The following DENND2B variants were observed in gnomAD, a reference collection of about 807,000 sequenced individuals.
The protein encoded by DENND2B is DENN domain containing 2B.
DENND2B carries 32 observed loss-of-function variants against 116.0 expected under a neutral mutation model. The ratio of observed to expected loss-of-function variants is 0.28; its 90% CI spans 0.21 to 0.37. The LOEUF (loss-of-function observed/expected upper bound fraction) is 0.37. DENND2B is among the 10% of genes least tolerant of loss of function. DENND2B has a pLI of 1.00. For synonymous variants in DENND2B, 588 were observed against 583.9 expected (o/e 1.01, Z -0.10); for missense variants, 1,276 against 1,477.7 (o/e 0.86, Z 2.24).
intron 4 of DENND2B, among the ~76,000 whole-genome samples, chr11:8,817,120 A>C (rs941317828): frequency 3.3e-4 from 50 of 152,218 alleles, no homozygotes; most frequent in African/African-American, 1.2e-3. Context: ...CTGGAAGAGG[A>C]CTAAGGCTCC....
chr11:8,889,562 A>G (rs1412478202), intron 1 of DENND2B, among the ~76,000 whole-genome samples: 1 of 152,332 alleles, frequency 6.6e-6, no homozygotes. Context: ...CACTTTTCCA[A>G]TGGTCTTAGC....
At chr11:8,737,260 G>A (rs1460081211) in intron 2 of DENND2B, among the ~76,000 whole-genome samples, 3 of 152,214 alleles carry the variant, frequency 2.0e-5, no homozygotes. Flanking sequence ...AGAAGTCCAA[G>A]TGCTGGGACG....
chr11:8,730,237 G>A lies in DENND2B; in HGVS notation c.1053C>T (p.Pro351=). 1 of 1,612,518 alleles carries A rather than the reference G, an allele frequency of 6.2e-7. No individual in the cohort carries two copies. Residue 351 remains proline, a synonymous_variant, in exon 3 of 20, where the codon CCC becomes CCT. Transcript: ENST00000313726. The surrounding 1 kb of genome is among the most constrained non-coding windows in gnomAD (Gnocchi z 4.1). Reference sequence around the variant, plus strand: ...TGGAACCACTGCCTTCCCTCTCTGGGGGTGGGCCCGCCTCCCCCGCAACAC... The same window carrying A: ...TGGAACCACTGCCTTCCCTCTCTGGAGGTGGGCCCGCCTCCCCCGCAACAC... The part of the protein sequence containing the change: ...VAGVAGEAGP[P]PEREGSGSTK...
chr11:8,872,433 G>A (rs1024673663), upstream of DENND2B, among the ~76,000 whole-genome samples: 4 of 147,210 alleles, frequency 2.7e-5, no homozygotes, highest in African/African-American at 1.0e-4. Context: ...ATTGCAGTAA[G>A]CCAAGATCGC....
intron 3 of DENND2B, among the ~76,000 whole-genome samples, chr11:8,848,004 G>T (rs2062871499): frequency 6.6e-6 from 1 of 152,082 alleles, no homozygotes; most frequent in Non-Finnish European, 1.5e-5. Context: ...TACAAAAGAT[G>T]TACAAAATCA....
intron 1 of DENND2B, among the ~76,000 whole-genome samples, chr11:8,901,349 C>T (rs1355500082): frequency 6.6e-6 from 1 of 150,666 alleles, no homozygotes; most frequent in African/African-American, 2.4e-5. Context: ...CCTGCCTCAG[C>T]CTCCCGAGTA....
chr11:8,697,255 C>T (rs1483160411), intron 17 of DENND2B, among the ~76,000 whole-genome samples: 1 of 152,262 alleles, frequency 6.6e-6, no homozygotes, highest in African/African-American at 2.4e-5. Context: ...AGAGGAAGTG[C>T]CTTTCATCTC....
chr11:8,863,346 T>TCCCAGGTTCACACCTTTCTCCTGC (rs543669262), intron 2 of DENND2B, among the ~76,000 whole-genome samples: 1 of 81,268 alleles, frequency 1.2e-5, no homozygotes, highest in Non-Finnish European at 2.5e-5. Context: ...AAGCTCCACC[T>TCCCAGGTTCACACCTTTCTCCTGC]CTCAGCCTCC....
chr11:8,810,587 A>C lies in DENND2B; in HGVS notation c.-96T>G, dbSNP rs1006962798. On this transcript the variant is annotated 5_prime_UTR_variant, in exon 1 of 20. Transcript: ENST00000313726. ...GCCGGCTAGGGAGCCCAGGGCCCCC[A>C]AATCCACTGGCTTAAGCTCCGATAC... The C allele has an allele frequency of 2.0e-5, 3 of 152,338 alleles. No homozygotes were observed. Among genetic ancestry groups the C allele is most frequent in the Admixed American group, 1.3e-4 (2 of 15,284 alleles). The allele number at this position is 152,338 out of a possible 1,614,324, so 9.4% of individuals were successfully genotyped here.
Position 8,711,052 on chromosome 11 carries a change from C to T in DENND2B, c.2282+70G>A, listed in dbSNP as rs966250359. The T allele has an allele frequency of 1.1e-5, 17 of 1,566,756 alleles. No homozygotes were observed. The African/African-American group carries it at 1.2e-4, about 11-fold the overall frequency. On this transcript the variant is annotated intron_variant, in intron 10 of 19. Transcript: ENST00000313726. ...GAGGATGAGACTAGAGCAGGCCCCA[C>T]TCAGGTGCCCACGCTATGGGGGTAA...
chr11:8,905,435 T>C (rs1352578717), intron 1 of DENND2B, among the ~76,000 whole-genome samples: 1 of 152,074 alleles, frequency 6.6e-6, no homozygotes, highest in East Asian at 1.9e-4. Context: ...AATATACAAC[T>C]ATTAGGAGGA....
chr11:8,800,829 C>A (rs1238608893), intron 1 of DENND2B, among the ~76,000 whole-genome samples: 1 of 152,158 alleles, frequency 6.6e-6, no homozygotes, highest in African/African-American at 2.4e-5. Context: ...ATAATTTACA[C>A]TTGTAGATAA....
intron 1 of DENND2B, among the ~76,000 whole-genome samples, chr11:8,771,402 G>A (rs2056821351): frequency 6.6e-6 from 1 of 152,068 alleles, no homozygotes; most frequent in African/African-American, 2.4e-5. Context: ...GTGTGTGTGT[G>A]TGTGCGTGTG....
Position 8,717,751 on chromosome 11 carries a change from G to T in DENND2B, c.1619C>A (p.Pro540Gln), listed in dbSNP as rs1331274038. Residue 540 changes from proline (P) to glutamine (Q), a missense_variant, in exon 5 of 20, where the codon CCG (proline) becomes CAG (glutamine). By Grantham distance (76) the Pro-to-Gln change is moderately conservative. Transcript: ENST00000313726. ...WSPQDRKYNS[P>Q]PTQLSLKPNS... ...TCAGGGCTGAGTTACCTGTGTGGGCGGGCTGTTGTACTTCCTGTCCTGAGG... is the reference window on the plus strand; with the variant it reads ...TCAGGGCTGAGTTACCTGTGTGGGCTGGCTGTTGTACTTCCTGTCCTGAGG... The T allele has an allele frequency of 8.9e-6, 14 of 1,566,464 alleles. No individual in the cohort carries two copies. Among genetic ancestry groups the T allele is most frequent in the Non-Finnish European group, 1.2e-5 (14 of 1,150,642 alleles).
intron 1 of DENND2B, among the ~76,000 whole-genome samples, chr11:8,801,689 A>AAAG (rs2060338641): frequency 2.5e-5 from 3 of 117,690 alleles, no homozygotes; most frequent in South Asian, 3.1e-4. Context: ...AAAAAAAAAA[A>AAAG]AAAGAAAGAA....
At chr11:8,733,444 C>A (rs767591400) in intron 2 of DENND2B, among the ~76,000 whole-genome samples, 41 of 152,322 alleles carry the variant, frequency 2.7e-4, no homozygotes, top group Admixed American at 2.4e-3. Flanking sequence ...CTACTCTGTG[C>A]TAGGCCTGTT....
chr11:8,910,000 G>A lies in DENND2B; in HGVS notation c.-256+821C>T, dbSNP rs543192687. 15 of 152,306 alleles carry A rather than the reference G, an allele frequency of 9.8e-5. No individual in the cohort carries two copies. The East Asian group carries it at 2.9e-3, about 29-fold the overall frequency. 9.4% of individuals were successfully genotyped at this position (152,306 alleles called of 1,614,324 possible). A position where few individuals can be genotyped will look rare whatever the true frequency, so the allele number is the denominator to read the frequency against. On this transcript the variant is annotated intron_variant, in intron 1 of 22. Transcript: ENST00000534127. Reference sequence around the variant, plus strand: ...TATCTCCTACCAAATAACCAGCGGAGTGGAGTGACAGGTCCTTACTTAAAC... The same window carrying A: ...TATCTCCTACCAAATAACCAGCGGAATGGAGTGACAGGTCCTTACTTAAAC...
At chr11:8,904,148 T>G (rs2064206378) in intron 1 of DENND2B, among the ~76,000 whole-genome samples, 1 of 151,760 alleles carries the variant, frequency 6.6e-6, no homozygotes, top group African/African-American at 2.4e-5. Flanking sequence ...GAGATCAATA[T>G]CCCTCATGAA....
chr11:8,784,276 C>G (rs2058678846), intron 1 of DENND2B: 1 of 150,194 alleles, frequency 6.7e-6, no homozygotes, highest in Non-Finnish European at 1.5e-5. Context: ...AAAACATTAG[C>G]CAGGCATGGA....
Sources: allele counts gnomAD v4.1 joint callset (sites outside exome capture counted in the v4.1 genomes callset), GRCh38; gene constraint gnomAD v4.1.1; non-coding constraint Gnocchi (gnomAD v3.1); transcripts MANE v1.5; gene names NCBI Gene and HGNC (gene_info 2026-07-23, HGNC 2026-07-21).